SAMMSON: variants seen among roughly 807,000 people sequenced by gnomAD.
SAMMSON encodes the protein long intergenic non-protein coding RNA 1212.
intron 3 of SAMMSON, among the ~76,000 whole-genome samples, chr3:70,057,939 A>G (rs2067173802): frequency 1.3e-5 from 2 of 152,064 alleles, no homozygotes; most frequent in Non-Finnish European, 2.9e-5. Flanking sequence ...AGCCAAAGAG[A>G]AAGGGAAACT....
At chr3:70,111,045 G>A (rs1286060459) in intron 4 of SAMMSON, among the ~76,000 whole-genome samples, 1 of 152,174 alleles carries the variant, frequency 6.6e-6, no homozygotes, top group Non-Finnish European at 1.5e-5. Context: ...GGAAGGCCAA[G>A]TTATCAATAA....
intron 9 of SAMMSON, among the ~76,000 whole-genome samples, chr3:70,389,287 G>T (rs1260406817): frequency 6.6e-5 from 10 of 152,082 alleles, no homozygotes; most frequent in Admixed American, 6.6e-4. Context: ...GTATAAAATG[G>T]TAACTTGAAA....
chr3:70,149,948 C>T (rs2067564502), intron 4 of SAMMSON, among the ~76,000 whole-genome samples: 1 of 152,062 alleles, frequency 6.6e-6, no homozygotes, highest in African/African-American at 2.4e-5. Context: ...TTTAAGAAGG[C>T]ATACTCTCTA....
At chr3:70,360,538 G>A (rs1386736886) in intron 9 of SAMMSON, among the ~76,000 whole-genome samples, 1 of 152,052 alleles carries the variant, frequency 6.6e-6, no homozygotes, top group African/African-American at 2.4e-5. Flanking sequence ...CTCTATTCCA[G>A]CACCATCTCC....
intron 4 of SAMMSON, among the ~76,000 whole-genome samples, chr3:70,243,785 T>C (rs534428532): frequency 6.6e-6 from 1 of 152,256 alleles, no homozygotes; most frequent in Admixed American, 6.5e-5. Flanking sequence ...TAAAGGAATT[T>C]CCATAAAAAG....
intron 4 of SAMMSON, among the ~76,000 whole-genome samples, chr3:70,135,039 T>G (rs34198471): frequency 2.6e-4 from 40 of 152,164 alleles, no homozygotes; most frequent in Non-Finnish European, 5.0e-4. Flanking sequence ...TAAAGAATCA[T>G]TTTGAAATCA....
At chr3:70,017,622 T>C (rs2066991706) in intron 3 of SAMMSON, among the ~76,000 whole-genome samples, 2 of 152,152 alleles carry the variant, frequency 1.3e-5, no homozygotes, top group Admixed American at 1.3e-4. Flanking sequence ...AACACTATGT[T>C]GAATAGGAGT....
chr3:70,383,005 T>A (rs1703086119), intron 9 of SAMMSON, among the ~76,000 whole-genome samples: 1 of 152,094 alleles, frequency 6.6e-6, no homozygotes, highest in South Asian at 2.1e-4. Context: ...AAATGGTTTC[T>A]TCCTGTCTTT....
chr3:70,011,069 T>G (rs2066953309), intron 1 of SAMMSON, among the ~76,000 whole-genome samples: 1 of 152,074 alleles, frequency 6.6e-6, no homozygotes. Flanking sequence ...ACTGCCCTGG[T>G]TTTTATACTT....
intron 7 of SAMMSON, among the ~76,000 whole-genome samples, chr3:70,319,097 G>A (rs532520223): frequency 5.9e-5 from 9 of 152,140 alleles, no homozygotes; most frequent in Admixed American, 2.6e-4. Flanking sequence ...GCACAGCTGA[G>A]CCCTTAGCCA....
intron 7 of SAMMSON, among the ~76,000 whole-genome samples, chr3:70,301,632 G>T (rs527566325): frequency 1.5e-4 from 23 of 152,122 alleles, no homozygotes; most frequent in African/African-American, 5.1e-4. Flanking sequence ...ATCAATCTGC[G>T]TTTGCACATA....
chr3:70,280,688 C>G (rs1049867268), intron 6 of SAMMSON, among the ~76,000 whole-genome samples: 2 of 152,142 alleles, frequency 1.3e-5, no homozygotes, highest in Admixed American at 6.5e-5. Flanking sequence ...ACCTCTTCCC[C>G]AAGGCAGGTC....
At chr3:70,363,800 CTGTG>C (rs10542257) in intron 9 of SAMMSON, among the ~76,000 whole-genome samples, 12,212 of 146,284 alleles carry the variant, frequency 0.083, 778 homozygotes, top group East Asian at 0.4. Context: ...ATTGCATTGT[CTGTG>C]TGTGTGTGTG....
chr3:69,999,940 C>T (rs1576090039), intron 1 of SAMMSON: 1 of 152,394 alleles, frequency 6.6e-6, no homozygotes, highest in East Asian at 1.9e-4. Flanking sequence ...AAAACCACCT[C>T]CCTTCTCGCT....
At chr3:70,323,047 T>C (rs1401819094) in intron 7 of SAMMSON, among the ~76,000 whole-genome samples, 1 of 152,046 alleles carries the variant, frequency 6.6e-6, no homozygotes, top group African/African-American at 2.4e-5. Flanking sequence ...GTGGAGATGA[T>C]AAAAGAAATT....
At chr3:70,148,599 G>C (rs551669184) in intron 4 of SAMMSON, among the ~76,000 whole-genome samples, 1 of 152,112 alleles carries the variant, frequency 6.6e-6, no homozygotes, top group Non-Finnish European at 1.5e-5. Flanking sequence ...CATGGCAGAA[G>C]GTGAAGGGGA....
At chr3:70,088,808 A>G (rs981705979) in intron 4 of SAMMSON, among the ~76,000 whole-genome samples, 8 of 152,182 alleles carry the variant, frequency 5.3e-5, no homozygotes, top group African/African-American at 1.7e-4. Context: ...AAGCCTCTCT[A>G]TTGGTTATGA....
chr3:70,128,065 C>T (rs1225417285), intron 4 of SAMMSON, among the ~76,000 whole-genome samples: 3 of 152,134 alleles, frequency 2.0e-5, no homozygotes, highest in Non-Finnish European at 2.9e-5. Context: ...TGGAATAGCC[C>T]GCAGAAGTAT....
chr3:70,431,145 G>A (rs1701409733), intron 2 of SAMMSON, among the ~76,000 whole-genome samples: 2 of 152,064 alleles, frequency 1.3e-5, no homozygotes, highest in African/African-American at 4.8e-5. Context: ...AGAGTATATG[G>A]AGGCCTCAGA....
Sources: gnomAD v4.1 joint callset for allele counts (sites outside exome capture counted in the v4.1 genomes callset) on GRCh38, gnomAD v4.1.1 for gene constraint, MANE v1.5 for transcripts, NCBI Gene and HGNC (gene_info 2026-07-23, HGNC 2026-07-21) for gene names.